Variants in CSNK2A1 observed in about 807,000 individuals in gnomAD.
CSNK2A1 encodes casein kinase II subunit alpha.
Under a neutral mutation model 62.9 loss-of-function variants are expected in CSNK2A1, and 10 were observed. The ratio of observed to expected loss-of-function variants is 0.16; its 90% CI spans 0.10 to 0.27. The LOEUF is 0.27. Ranked by LOEUF, CSNK2A1 falls within the 10% of genes least tolerant of loss-of-function variation. The pLI is 1.00. For missense variants in CSNK2A1, 160 were observed against 492.0 expected (o/e 0.33, Z 6.38); for synonymous variants, 124 against 167.8 (o/e 0.74, Z 2.02).
At chr20:498,753 G>A (rs2018397854) in intron 6 of CSNK2A1, 3 of 152,132 alleles carry the variant, frequency 2.0e-5, no homozygotes, top group Non-Finnish European at 2.9e-5. Context: ...GTAGGCCACT[G>A]GATAGACTGG....
chr20:492,551 G>A, intron 8 of CSNK2A1, 187 bp from the exon 9 acceptor site: 1 of 600,698 alleles, frequency 1.7e-6, no homozygotes, highest in Non-Finnish European at 2.9e-6. Flanking sequence ...CCATGATTTT[G>A]TTCCTGGAAG....
intron 1 of CSNK2A1, among the ~76,000 whole-genome samples, chr20:529,936 A>C (rs2019177818): frequency 6.6e-6 from 1 of 152,170 alleles, no homozygotes. Flanking sequence ...TGGGAACAGG[A>C]CTACTCTGTG....
intron 2 of CSNK2A1, chr20:527,042 A>G (rs915170220): frequency 6.6e-6 from 1 of 150,570 alleles, no homozygotes; most frequent in East Asian, 2.0e-4. Flanking sequence ...AGAGAGAGAG[A>G]GAATGAATAT....
intron 3 of CSNK2A1, among the ~76,000 whole-genome samples, chr20:505,664 T>C (rs1347123061): frequency 1.6e-5 from 2 of 125,218 alleles, no homozygotes; most frequent in Non-Finnish European, 3.2e-5. Context: ...GCCTGGCCCA[T>C]TGTATTTTTT....
chr20:534,560 T>C (rs966890699), intron 1 of CSNK2A1, among the ~76,000 whole-genome samples: 4 of 152,072 alleles, frequency 2.6e-5, no homozygotes, highest in African/African-American at 9.7e-5. Flanking sequence ...AGTGTTGGAC[T>C]CCAGATGCAA....
intron 8 of CSNK2A1, chr20:494,044 T>C (rs78248152): frequency 2.0e-5 from 3 of 151,210 alleles, no homozygotes; most frequent in African/African-American, 7.3e-5. Flanking sequence ...TTTTTTTTTT[T>C]TGAGACGCAG....
In CSNK2A1 at chr20:508,231, A is replaced by G. The variant is rs1216979133; in HGVS notation, c.101+220T>C. 3 of 485,648 alleles carry G rather than the reference A, an allele frequency of 6.2e-6. No individual in the cohort carries two copies. In the Admixed American group the frequency reaches 1.1e-4, roughly 18 times the overall value. The allele number at this position is 485,648 out of a possible 1,614,324, so 30.1% of individuals were successfully genotyped here. On this transcript the variant is annotated intron_variant, in intron 3 of 13. Transcript: ENST00000217244. Reference sequence around the variant, plus strand: ...TAGAAAAGGATAAGAAACTAAAATGATTTTTAAATGGTAAGCCCATTAAAA... The same window carrying G: ...TAGAAAAGGATAAGAAACTAAAATGGTTTTTAAATGGTAAGCCCATTAAAA...
chr20:518,441 C>A (rs546034905), intron 2 of CSNK2A1, among the ~76,000 whole-genome samples: 1 of 152,300 alleles, frequency 6.6e-6, no homozygotes, highest in South Asian at 2.1e-4. Flanking sequence ...TTAAGGTGGT[C>A]TCTGGATTAG....
chr20:526,330 G>A (rs181108423), intron 2 of CSNK2A1, among the ~76,000 whole-genome samples: 4 of 152,096 alleles, frequency 2.6e-5, no homozygotes, highest in African/African-American at 9.6e-5. Context: ...TAAAAATTAG[G>A]CCAGGCATGG....
intron 13 of CSNK2A1, among the ~76,000 whole-genome samples, chr20:484,804 C>T (rs868171931): frequency 6.6e-6 from 1 of 151,746 alleles, no homozygotes; most frequent in Admixed American, 6.6e-5. Context: ...CAGTGTCTCA[C>T]GCCTGTAATG....
In CSNK2A1 at chr20:487,551, G is replaced by T. The variant is rs745406671; in HGVS notation, c.849C>A (p.Arg283=). The change falls in exon 12 of 14, where the codon CGC becomes CGA. Residue 283 remains arginine, a synonymous_variant. Coordinates refer to ENST00000217244, the MANE Select transcript of CSNK2A1 (RefSeq NM_177559.3). ...GGTGCTGATTTTCACTGTGGACAAAGCGTTCCCATCGCTTTCGAGAGTGTC... is the reference window on the plus strand; with the variant it reads ...GGTGCTGATTTTCACTGTGGACAAATCGTTCCCATCGCTTTCGAGAGTGTC... The part of the protein sequence containing the change: ...LGRHSRKRWE[R]FVHSENQHLV... 3.6e-5 allele frequency: 58 copies of T among 1,614,114 alleles called. No individual in the cohort carries two copies. Among genetic ancestry groups the T allele is most frequent in the Non-Finnish European group, 4.9e-5 (58 of 1,180,060 alleles).
chr20:537,063 G>C (rs867465840), intron 1 of CSNK2A1, among the ~76,000 whole-genome samples: 2 of 152,124 alleles, frequency 1.3e-5, no homozygotes, highest in Non-Finnish European at 2.9e-5. Flanking sequence ...TAAAGCATTA[G>C]TCATAACTTC....
chr20:489,643 A>C (rs2018174965), intron 10 of CSNK2A1, 137 bp downstream of exon 10: 4 of 571,376 alleles, frequency 7.0e-6, no homozygotes, highest in Non-Finnish European at 1.1e-5. Flanking sequence ...CAAAAGGCTA[A>C]GCTGGTAGCT....
At chr20:542,664 C>T (rs1027087951) in intron 1 of CSNK2A1, among the ~76,000 whole-genome samples, 2 of 152,230 alleles carry the variant, frequency 1.3e-5, no homozygotes, top group Admixed American at 1.3e-4. Flanking sequence ...AACTCCTGAC[C>T]TCGTGATCCA....
At chr20:489,392 G>GTTC (rs2018168267) in intron 10 of CSNK2A1, 1 of 256,822 alleles carries the variant, frequency 3.9e-6, no homozygotes, top group African/African-American at 2.2e-5. Flanking sequence ...GATCTTCAAG[G>GTTC]GGGAAGTGGA....
intron 1 of CSNK2A1, 73 bp downstream of exon 1, chr20:543,599 C>A: frequency 2.5e-6 from 1 of 397,196 alleles, no homozygotes; most frequent in Non-Finnish European, 4.4e-6. Context: ...GCGTGAGGGT[C>A]GGCCGCGCTC....
rs1017410548 is a variant in CSNK2A1 at position 487,238 on chromosome 20, T to C, written c.973+189A>G. On this transcript the variant is annotated intron_variant, in intron 12 of 13. Coordinates refer to ENST00000217244, the MANE Select transcript of CSNK2A1 (RefSeq NM_177559.3). Reference sequence around the variant, plus strand: ...TATTTAGGAATGCTCTTGTGTCATGTATTCTGTTACAGAAGAATTCTTCCA... The same window carrying C: ...TATTTAGGAATGCTCTTGTGTCATGCATTCTGTTACAGAAGAATTCTTCCA... The C allele has an allele frequency of 3.9e-5, 28 of 726,534 alleles. No homozygotes were observed. In the Admixed American group the frequency reaches 6.4e-4, roughly 16 times the overall value. The allele number at this position is 726,534 out of a possible 1,614,324, so 45.0% of individuals were successfully genotyped here.
rs2017798233 is a variant in CSNK2A1, at chr20:473,839, AG to A, written c.*10121del. 1 of 152,158 alleles carries A rather than the reference AG, an allele frequency of 6.6e-6. No individual in the cohort carries two copies. The highest frequency in any genetic ancestry group is 1.5e-5 in the Non-Finnish European group (1 of 68,046). 9.4% of individuals were successfully genotyped at this position (152,158 alleles called of 1,614,324 possible). On this transcript the variant is annotated 3_prime_UTR_variant, in exon 14 of 14. Coordinates refer to ENST00000217244, the MANE Select transcript of CSNK2A1 (RefSeq NM_177559.3). The stretch of plus-strand genomic sequence containing the variant: ...GATTGTCTTCTGATCTCAGCTCTCC[AG>A]AAGACCTTTTCCAGAAGACCTCTCC...
Position 477,676 on chromosome 20 carries a change from G to C in CSNK2A1, c.*6285C>G, listed in dbSNP as rs2017874856. 1 of 152,304 alleles carries C rather than the reference G, an allele frequency of 6.6e-6. No individual in the cohort carries two copies. The highest frequency in any genetic ancestry group is 2.1e-4 in the South Asian group (1 of 4,832). 9.4% of individuals were successfully genotyped at this position (152,304 alleles called of 1,614,324 possible). ...TGAGGCCCACCTATACCCAGACCCA[G>C]TGTCTTGGAAGCACTGACTTTAATA... On this transcript the variant is annotated 3_prime_UTR_variant, in exon 14 of 14. Coordinates refer to ENST00000217244, the MANE Select transcript of CSNK2A1 (RefSeq NM_177559.3).
Sources: gnomAD v4.1 joint callset for allele counts (sites outside exome capture counted in the v4.1 genomes callset) on GRCh38, gnomAD v4.1.1 for gene constraint, MANE v1.5 for transcripts, NCBI Gene and HGNC (gene_info 2026-07-23, HGNC 2026-07-21) for gene names.